The following UNC5D variants were observed in gnomAD, a reference collection of about 807,000 sequenced individuals.
UNC5D encodes the protein netrin receptor UNC5D.
UNC5D carries 39 observed loss-of-function variants against 105.4 expected under a neutral mutation model. That is an observed-to-expected ratio of 0.37 (90% CI 0.29 to 0.48). UNC5D has a LOEUF of 0.48. Among genes scored for constraint, UNC5D ranks in the 20% least tolerant of loss-of-function variants. UNC5D has a pLI of 0.98. For missense variants in UNC5D, 991 were observed against 1,202.4 expected (o/e 0.82, Z 2.60); for synonymous variants, 452 against 450.4 (o/e 1.00, Z -0.04).
At chr8:35,554,523 C>T (rs532610413) in intron 2 of UNC5D, among the ~76,000 whole-genome samples, 8 of 152,270 alleles carry the variant, frequency 5.3e-5, no homozygotes, top group African/African-American at 1.9e-4. Flanking sequence ...GAATCATACC[C>T]CTGTGAAAAG....
intron 4 of UNC5D, among the ~76,000 whole-genome samples, chr8:35,678,071 C>T (rs1164713940): frequency 6.6e-6 from 1 of 152,056 alleles, no homozygotes; most frequent in African/African-American, 2.4e-5. Context: ...GTCCTAGAAG[C>T]AGACCATAGT....
chr8:35,235,884 C>A lies in UNC5D; in HGVS notation c.100C>A (p.Arg34=). Residue 34 remains arginine (R), a synonymous_variant, in exon 1 of 17, where the codon CGA becomes AGA. Coordinates refer to ENST00000404895, the MANE Select transcript of UNC5D (RefSeq NM_080872.4). Reference sequence around the variant, plus strand: ...CTGGGCGGCAGGGACCGCGGCTGCCCGAGGTAAGCGCTGGGCGGAGCGGGC... The same window carrying A: ...CTGGGCGGCAGGGACCGCGGCTGCCAGAGGTAAGCGCTGGGCGGAGCGGGC... ...CFWAAGTAAA[R]GTDNGEALPE... is the part of the protein sequence containing the mutation. 1 of 1,226,528 alleles carries A rather than the reference C, an allele frequency of 8.2e-7. No individual in the cohort carries two copies. The highest frequency in any genetic ancestry group is 1.0e-6 in the Non-Finnish European group (1 of 985,298). 76.0% of individuals were successfully genotyped at this position (1,226,528 alleles called of 1,614,324 possible).
At chr8:35,540,522 GA>G (rs903394702) in intron 1 of UNC5D, among the ~76,000 whole-genome samples, 13 of 151,320 alleles carry the variant, frequency 8.6e-5, no homozygotes, top group Admixed American at 8.6e-4. Flanking sequence ...TAAAAATAGA[GA>G]AAAAGCAAAA....
chr8:35,661,991 G>A (rs757901155), intron 4 of UNC5D, among the ~76,000 whole-genome samples: 7 of 152,020 alleles, frequency 4.6e-5, no homozygotes, highest in Non-Finnish European at 8.8e-5. Flanking sequence ...TAAGGACCTA[G>A]CATCATTTTG....
chr8:35,475,577 C>T (rs976504216), intron 1 of UNC5D, among the ~76,000 whole-genome samples: 1 of 152,174 alleles, frequency 6.6e-6, no homozygotes, highest in East Asian at 1.9e-4. Flanking sequence ...CCAGTACTGG[C>T]TCCTCTCAAT....
At chr8:35,778,077 T>C (rs926199994) in intron 16 of UNC5D, among the ~76,000 whole-genome samples, 1 of 152,208 alleles carries the variant, frequency 6.6e-6, no homozygotes, top group African/African-American at 2.4e-5. Flanking sequence ...TTCCAAAATA[T>C]CAGCCTTCAT....
At chr8:35,560,053 C>G (rs1320839393) in intron 2 of UNC5D, among the ~76,000 whole-genome samples, 1 of 152,212 alleles carries the variant, frequency 6.6e-6, no homozygotes, top group Non-Finnish European at 1.5e-5. Flanking sequence ...AGCTTATTAG[C>G]ATATCAGTAC....
At chr8:35,736,211 A>AATAAAT (rs1466198460) in intron 11 of UNC5D, among the ~76,000 whole-genome samples, 1 of 152,160 alleles carries the variant, frequency 6.6e-6, no homozygotes. Flanking sequence ...TAAAAATAAA[A>AATAAAT]TAAAACAAAA....
chr8:35,383,941 G>T (rs1180520600), intron 1 of UNC5D, among the ~76,000 whole-genome samples: 1 of 151,898 alleles, frequency 6.6e-6, no homozygotes, highest in Admixed American at 6.6e-5. Flanking sequence ...AAGAGGCTGG[G>T]CGCGGTGGCT....
At chr8:35,334,886 A>G (rs1014658557) in intron 1 of UNC5D, among the ~76,000 whole-genome samples, 2 of 152,136 alleles carry the variant, frequency 1.3e-5, no homozygotes, top group Admixed American at 6.6e-5. Flanking sequence ...AACTATCACC[A>G]TAATTAAGAT....
chr8:35,608,998 G>A (rs997766174), intron 4 of UNC5D, among the ~76,000 whole-genome samples: 3 of 151,992 alleles, frequency 2.0e-5, no homozygotes, highest in Admixed American at 6.6e-5. Flanking sequence ...TTTTCATAGA[G>A]GTTGTACTAA....
intron 4 of UNC5D, among the ~76,000 whole-genome samples, chr8:35,605,752 A>T (rs1332670956): frequency 6.6e-6 from 1 of 152,200 alleles, no homozygotes; most frequent in Non-Finnish European, 1.5e-5. Context: ...AAGAAATAAA[A>T]ATTTATTTTC....
chr8:35,427,002 C>T (rs1414958494), intron 1 of UNC5D, among the ~76,000 whole-genome samples: 3 of 152,134 alleles, frequency 2.0e-5, no homozygotes, highest in African/African-American at 7.2e-5. Context: ...AGATGATGAA[C>T]GAGTTGATTT....
At chr8:35,378,294 T>A (rs1203315411) in intron 1 of UNC5D, among the ~76,000 whole-genome samples, 1 of 152,206 alleles carries the variant, frequency 6.6e-6, no homozygotes, top group East Asian at 1.9e-4. Flanking sequence ...TTATGATTCA[T>A]TTTTTACTTA....
At chr8:35,442,274 C>T (rs1807457704) in intron 1 of UNC5D, among the ~76,000 whole-genome samples, 1 of 151,686 alleles carries the variant, frequency 6.6e-6, no homozygotes, top group Non-Finnish European at 1.5e-5. Context: ...TGTACCAAAT[C>T]CTACTACACA....
chr8:35,660,480 C>A (rs1251380448), intron 4 of UNC5D, among the ~76,000 whole-genome samples: 1 of 152,212 alleles, frequency 6.6e-6, no homozygotes. Flanking sequence ...AGATCATTTT[C>A]TCCTGGAGCA....
chr8:35,673,695 T>C (rs558544813), intron 4 of UNC5D, among the ~76,000 whole-genome samples: 2 of 152,194 alleles, frequency 1.3e-5, no homozygotes, highest in Non-Finnish European at 2.9e-5. Flanking sequence ...TGGTTTTCTT[T>C]GCCTTTTCCT....
At chr8:35,280,862 C>G (rs1234501648) in intron 1 of UNC5D, among the ~76,000 whole-genome samples, 2 of 152,130 alleles carry the variant, frequency 1.3e-5, no homozygotes, top group Admixed American at 1.3e-4. Flanking sequence ...TTCTAATGCT[C>G]AATTCTAATG....
intron 4 of UNC5D, among the ~76,000 whole-genome samples, chr8:35,662,137 T>C (rs1824140647): frequency 6.6e-6 from 1 of 151,450 alleles, no homozygotes; most frequent in African/African-American, 2.4e-5. Context: ...TAAACTCCTT[T>C]GTATCTCTTA....
Sources: allele counts gnomAD v4.1 joint callset (sites outside exome capture counted in the v4.1 genomes callset), GRCh38; gene constraint gnomAD v4.1.1; transcripts MANE v1.5; gene names NCBI Gene and HGNC (gene_info 2026-07-23, HGNC 2026-07-21).